The following DLGAP4 variants were observed in gnomAD, a reference collection of about 807,000 sequenced individuals.
DLGAP4 encodes the protein disks large-associated protein 4.
DLGAP4 carries 18 observed loss-of-function variants against 86.9 expected under a neutral mutation model. The observed-to-expected ratio is 0.21, with a 90% CI of 0.14 to 0.31. The LOEUF is 0.31. DLGAP4 is among the 10% of genes least tolerant of loss of function. The probability of loss-of-function intolerance (pLI) is 1.00; values close to 1 mark genes in which losing one functional copy is unlikely to be tolerated. For synonymous variants in DLGAP4, 548 were observed against 574.3 expected (o/e 0.95, Z 0.65); for missense variants, 1,085 against 1,362.6 (o/e 0.80, Z 3.21).
In DLGAP4 at chr20:36,306,499, G is replaced by T; in HGVS notation, c.-317G>T. 6.6e-6 allele frequency: 1 copy of T among 151,414 alleles called. No individual in the cohort carries two copies. The highest frequency in any genetic ancestry group is 1.8e-4 in the South Asian group (1 of 5,536). 9.4% of individuals were successfully genotyped at this position (151,414 alleles called of 1,614,324 possible). A position where few individuals can be genotyped will look rare whatever the true frequency, so the allele number is the denominator to read the frequency against. ...GGCAGAGCGGGCCGGAGGCGGCCGA[G>T]GCGCCCGGCGCAGGTGAGGGCGCGG... On this transcript the variant is annotated 5_prime_UTR_variant, in exon 1 of 13. In the 5' UTR this introduces an upstream ATG that the reference lacks. Coordinates refer to ENST00000339266, the MANE Select transcript of DLGAP4 (RefSeq NM_001365621.2). This position sits in a 1 kb window ranked among gnomAD's most constrained non-coding sequence, Gnocchi z 4.9.
chr20:36,524,518 A>G lies in DLGAP4; in HGVS notation c.2604+177A>G, dbSNP rs571300639. ...AGTGTCTAGCACAAGAAAGGGGGCA[A>G]AAGTGGCCCTATCAGATCTCTAATA... On this transcript the variant is annotated intron_variant, in intron 11 of 12. Coordinates refer to ENST00000339266, the MANE Select transcript of DLGAP4 (RefSeq NM_001365621.2). Among the ~76,000 whole-genome samples the G allele has an allele frequency of 7.2e-5, 11 of 152,358 alleles. No individual in the cohort carries two copies. In the East Asian group the frequency reaches 1.9e-3, roughly 27 times the overall value.
intron 7 of DLGAP4, chr20:36,461,895 C>G: frequency 1.0e-6 from 1 of 985,084 alleles, no homozygotes; most frequent in Non-Finnish European, 1.2e-6. Context: ...CTCCCTCGCT[C>G]CCCATCTCGG....
intron 7 of DLGAP4, among the ~76,000 whole-genome samples, chr20:36,471,680 A>T (rs1025971464): frequency 2.6e-5 from 4 of 152,124 alleles, no homozygotes; most frequent in African/African-American, 9.7e-5. Flanking sequence ...CGTGAAATGT[A>T]TTAAAGTGGT....
intron 7 of DLGAP4, among the ~76,000 whole-genome samples, chr20:36,457,988 C>CG (rs1204860674): frequency 2.0e-5 from 3 of 151,774 alleles, no homozygotes; most frequent in Non-Finnish European, 4.4e-5. Flanking sequence ...GCGCTCCAGG[C>CG]GGGGGGTGAG....
intron 7 of DLGAP4, among the ~76,000 whole-genome samples, chr20:36,495,098 T>C (rs1371447497): frequency 7.3e-6 from 1 of 137,638 alleles, no homozygotes; most frequent in East Asian, 2.5e-4. Flanking sequence ...GTTTAAGCAA[T>C]TCTCCTGCCT....
At position 36,497,054 on chromosome 20, in the gene DLGAP4, G is replaced by A. The variant is rs146842291; in HGVS notation, c.1998G>A (p.Ser666=). 4.4e-6 allele frequency: 7 copies of A among 1,602,870 alleles called. No individual in the cohort carries two copies. Among genetic ancestry groups the A allele is most frequent in the African/African-American group, 2.7e-5 (2 of 74,728 alleles). Residue 666 remains serine, a synonymous_variant, in exon 8 of 13, where the codon TCG becomes TCA. Coordinates refer to ENST00000339266, the MANE Select transcript of DLGAP4 (RefSeq NM_001365621.2). ...PEAAPKRKLS[S]IGIQVDCIQP... The stretch of plus-strand genomic sequence containing the variant: ...CCGCCCCCAAAAGGAAACTGTCATC[G>A]ATAGGAATACAAGTAGGGGCTCCTT...
chr20:36,508,274 G>A (rs1336924313), intron 10 of DLGAP4: 3 of 152,150 alleles, frequency 2.0e-5, no homozygotes, highest in Non-Finnish European at 4.4e-5. Flanking sequence ...CCACTGTTAA[G>A]CTGCAGTAAA....
chr20:36,471,519 TAAAC>T (rs1336274036), intron 7 of DLGAP4, among the ~76,000 whole-genome samples: 1 of 151,926 alleles, frequency 6.6e-6, no homozygotes, highest in Non-Finnish European at 1.5e-5. Flanking sequence ...AATAAATAAA[TAAAC>T]TGACCTCCTG....
chr20:36,425,561 C>CGT (rs1569495096), intron 2 of DLGAP4, among the ~76,000 whole-genome samples: 1 of 150,032 alleles, frequency 6.7e-6, no homozygotes, highest in Non-Finnish European at 1.5e-5. Context: ...CGTGGTGGCT[C>CGT]GCCTGTAATC....
At chr20:36,451,766 ATTT>A (rs544609389) in intron 7 of DLGAP4, among the ~76,000 whole-genome samples, 4 of 130,802 alleles carry the variant, frequency 3.1e-5, no homozygotes. Context: ...CTGAGGCTGT[ATTT>A]TTTTTTTTTT....
intron 7 of DLGAP4, among the ~76,000 whole-genome samples, chr20:36,481,698 C>T (rs919914634): frequency 2.6e-5 from 4 of 152,130 alleles, no homozygotes; most frequent in African/African-American, 9.7e-5. Context: ...TAAGCATTTG[C>T]TGGAATGGGG....
chr20:36,416,215 G>A (rs1442706618), intron 2 of DLGAP4, among the ~76,000 whole-genome samples: 5 of 152,144 alleles, frequency 3.3e-5, no homozygotes, highest in East Asian at 1.9e-4. Context: ...TCCACCTCCC[G>A]GGTTCAAGCG....
chr20:36,473,772 C>T (rs1027427160), intron 7 of DLGAP4, among the ~76,000 whole-genome samples: 2 of 152,114 alleles, frequency 1.3e-5, no homozygotes, highest in Admixed American at 1.3e-4. Context: ...TTTTATGTAC[C>T]TCTCTTCTCC....
At position 36,377,419 on chromosome 20, in the gene DLGAP4, A is replaced by G. The variant is rs560536001; in HGVS notation, c.-73+10144A>G. 9.2e-5 allele frequency among the ~76,000 whole-genome samples: 14 copies of G among 152,262 alleles called. No individual in the cohort carries two copies. The East Asian group carries it at 2.1e-3, about 23-fold the overall frequency. ...TAATACAAGGATAACAGCAGCCCCC[A>G]TCTTAGAGTTGGTTGCAAAGTTTAA... is the stretch of plus-strand genomic sequence containing the variant. On this transcript the variant is annotated intron_variant, in intron 2 of 12. Coordinates refer to ENST00000339266, the MANE Select transcript of DLGAP4 (RefSeq NM_001365621.2).
intron 7 of DLGAP4, among the ~76,000 whole-genome samples, chr20:36,494,193 A>AG (rs2035785765): frequency 6.6e-6 from 1 of 152,198 alleles, no homozygotes. Flanking sequence ...ACGAGTAGGA[A>AG]GTGAGTGCTC....
At chr20:36,513,067 T>C (rs1463012266) in intron 10 of DLGAP4, among the ~76,000 whole-genome samples, 1 of 141,894 alleles carries the variant, frequency 7.0e-6, no homozygotes, top group Non-Finnish European at 1.5e-5. Flanking sequence ...TCCTCCCACC[T>C]CAGCCTCCCA....
chr20:36,488,991 CCTT>C (rs2035542145), intron 7 of DLGAP4, among the ~76,000 whole-genome samples: 1 of 152,216 alleles, frequency 6.6e-6, no homozygotes, highest in Admixed American at 6.5e-5. Flanking sequence ...GACATCACAG[CCTT>C]CTTGCACTGA....
intron 6 of DLGAP4, among the ~76,000 whole-genome samples, chr20:36,444,236 C>G (rs2033530855): frequency 6.6e-6 from 1 of 152,162 alleles, no homozygotes; most frequent in Non-Finnish European, 1.5e-5. Flanking sequence ...TGGAAATGTT[C>G]TATAATTCAC....
intron 7 of DLGAP4, chr20:36,462,157 C>T: frequency 9.6e-7 from 1 of 1,039,942 alleles, no homozygotes; most frequent in Middle Eastern, 4.6e-4. Context: ...TTCCCCATAT[C>T]CACTGGGAGC....
Sources: gnomAD v4.1 joint callset for allele counts (sites outside exome capture counted in the v4.1 genomes callset) on GRCh38, gnomAD v4.1.1 for gene constraint, Gnocchi (gnomAD v3.1) non-coding constraint, MANE v1.5 for transcripts, NCBI Gene and HGNC (gene_info 2026-07-23, HGNC 2026-07-21) for gene names.